Variants in CDH8 observed in about 807,000 individuals in gnomAD.
CDH8 encodes the protein cadherin-8.
Under a neutral mutation model 68.1 loss-of-function variants are expected in CDH8, and 17 were observed. The observed-to-expected ratio is 0.25, with a 90% CI of 0.17 to 0.37. CDH8 has a LOEUF of 0.37. CDH8 is among the 10% of genes least tolerant of loss of function. The probability of loss-of-function intolerance (pLI) is 1.00; values close to 1 mark genes in which losing one functional copy is unlikely to be tolerated. For synonymous variants in CDH8, 372 were observed against 365.1 expected (o/e 1.02, Z -0.21); for missense variants, 763 against 999.3 (o/e 0.76, Z 3.19).
At position 61,913,208 on chromosome 16, in the gene CDH8, G is replaced by A. The variant is rs532630663; in HGVS notation, c.253-11735C>T. Among the ~76,000 whole-genome samples, 36 of 152,104 alleles carry A rather than the reference G, an allele frequency of 2.4e-4. 1 individual carries two copies. The South Asian group carries it at 6.2e-3, about 26-fold the overall frequency. Reference sequence around the variant, plus strand: ...TCATATACACATTATACATACAGCCGGAAGGTATTTTATAAAATAGTTTTA... The same window carrying A: ...TCATATACACATTATACATACAGCCAGAAGGTATTTTATAAAATAGTTTTA... On this transcript the variant is annotated intron_variant, in intron 2 of 11. Coordinates refer to ENST00000577390, the MANE Select transcript of CDH8 (RefSeq NM_001796.5).
At chr16:61,987,719 T>C (rs1327064766) in intron 2 of CDH8, among the ~76,000 whole-genome samples, 3 of 151,884 alleles carry the variant, frequency 2.0e-5, no homozygotes, top group Non-Finnish European at 4.4e-5. Flanking sequence ...ATTACTCATA[T>C]TATAATCGTA....
At chr16:61,992,077 T>TGTGTGAGAGAGA (rs34925928) in intron 2 of CDH8, among the ~76,000 whole-genome samples, 9 of 144,126 alleles carry the variant, frequency 6.2e-5, no homozygotes, top group African/African-American at 1.8e-4. Context: ...TGTGTGTGTG[T>TGTGTGAGAGAGA]GAGAGAGAGA....
intron 7 of CDH8, among the ~76,000 whole-genome samples, chr16:61,801,500 T>G (rs941106140): frequency 2.0e-5 from 3 of 152,088 alleles, no homozygotes; most frequent in African/African-American, 7.2e-5. Context: ...GGTCTACAGC[T>G]CCCAGCGTGA....
chr16:61,809,903 G>A (rs537662323), intron 7 of CDH8, among the ~76,000 whole-genome samples: 3 of 152,270 alleles, frequency 2.0e-5, no homozygotes, highest in East Asian at 3.9e-4. Context: ...AAAGTGACCC[G>A]GTCACCCTAT....
intron 2 of CDH8, among the ~76,000 whole-genome samples, chr16:61,984,289 G>A (rs571406612): frequency 7.1e-4 from 108 of 152,074 alleles, no homozygotes; most frequent in African/African-American, 2.4e-3. Flanking sequence ...ATTCCCCAAC[G>A]CCCCACTTCT....
intron 10 of CDH8, among the ~76,000 whole-genome samples, chr16:61,707,906 A>G (rs1402864422): frequency 6.6e-6 from 1 of 152,182 alleles, no homozygotes; most frequent in Non-Finnish European, 1.5e-5. Flanking sequence ...TAAAAGATAA[A>G]TCAGTAAATA....
rs185615523 is a variant in CDH8, at chr16:61,869,875, T to C, written c.548-12637A>G. ...TCAGTTCTGTTTCTTCTCTTTTCAA[T>C]TCTTCCTAGTTGCCATATTCAAGAC... On this transcript the variant is annotated intron_variant, in intron 3 of 11. Coordinates refer to ENST00000577390, the MANE Select transcript of CDH8 (RefSeq NM_001796.5). 2.6e-5 allele frequency among the ~76,000 whole-genome samples: 4 copies of C among 152,354 alleles called. No homozygotes were observed. The East Asian group carries it at 7.7e-4, about 29-fold the overall frequency.
chr16:61,988,968 A>G (rs1965672491), intron 2 of CDH8, among the ~76,000 whole-genome samples: 1 of 152,162 alleles, frequency 6.6e-6, no homozygotes, highest in African/African-American at 2.4e-5. Flanking sequence ...GGCAAGAAAA[A>G]AATGAGAGGG....
chr16:61,752,756 T>C (rs918381861), intron 8 of CDH8, among the ~76,000 whole-genome samples: 2 of 152,222 alleles, frequency 1.3e-5, no homozygotes, highest in African/African-American at 4.8e-5. Flanking sequence ...ATTTATAAAG[T>C]GATACAGTGC....
At chr16:62,005,186 A>C (rs1965953857) in intron 2 of CDH8, among the ~76,000 whole-genome samples, 1 of 152,242 alleles carries the variant, frequency 6.6e-6, no homozygotes, top group South Asian at 2.1e-4. Context: ...TGCAAAGCCG[A>C]GTGACACTCA....
chr16:61,963,434 G>A (rs974793941), intron 2 of CDH8, among the ~76,000 whole-genome samples: 2 of 152,230 alleles, frequency 1.3e-5, no homozygotes, highest in East Asian at 3.9e-4. Flanking sequence ...CAGCAAACCT[G>A]TATCACATGC....
In CDH8 at chr16:61,654,207, G is replaced by A. The variant is rs1963391492; in HGVS notation, c.1907-106C>T. Reference sequence around the variant, plus strand: ...GGGGTATTTTTACAAAATTGTATGAGCATACACCTTTAATAATATTTACTA... The same window carrying A: ...GGGGTATTTTTACAAAATTGTATGAACATACACCTTTAATAATATTTACTA... On this transcript the variant is annotated intron_variant, in intron 11 of 11. Coordinates refer to ENST00000577390, the MANE Select transcript of CDH8 (RefSeq NM_001796.5). The A allele has an allele frequency of 4.5e-6, 4 of 879,840 alleles. No homozygotes were observed. In the Admixed American group the frequency reaches 1.0e-4, roughly 23 times the overall value. 54.5% of individuals were successfully genotyped at this position (879,840 alleles called of 1,614,324 possible). A position where few individuals can be genotyped will look rare whatever the true frequency, so the allele number is the denominator to read the frequency against.
chr16:61,715,162 T>C (rs1964701579), intron 9 of CDH8, among the ~76,000 whole-genome samples: 1 of 151,666 alleles, frequency 6.6e-6, no homozygotes, highest in East Asian at 1.9e-4. Flanking sequence ...AATCTTACTT[T>C]GTAAGTGTTT....
At chr16:61,969,123 A>G (rs1333026459) in intron 2 of CDH8, among the ~76,000 whole-genome samples, 2 of 152,208 alleles carry the variant, frequency 1.3e-5, no homozygotes, top group Non-Finnish European at 2.9e-5. Flanking sequence ...TGGTGTTGGT[A>G]TGTGTTAAAA....
chr16:61,962,644 C>T (rs1482398677), intron 2 of CDH8, among the ~76,000 whole-genome samples: 1 of 152,188 alleles, frequency 6.6e-6, no homozygotes, highest in Non-Finnish European at 1.5e-5. Flanking sequence ...CTGTTCAAAA[C>T]TGAACGTATG....
intron 4 of CDH8, among the ~76,000 whole-genome samples, chr16:61,841,541 G>A (rs1962683714): frequency 6.6e-6 from 1 of 152,074 alleles, no homozygotes; most frequent in African/African-American, 2.4e-5. Context: ...GGCTGGGGAG[G>A]GAGTGGGGAT....
chr16:62,033,184 T>G (rs987687167), intron 1 of CDH8, among the ~76,000 whole-genome samples: 24 of 152,190 alleles, frequency 1.6e-4, no homozygotes, highest in African/African-American at 5.1e-4. Flanking sequence ...CTGGGCTGTT[T>G]GTTTGTTTTG....
At chr16:61,855,824 T>C (rs186296154) in intron 4 of CDH8, among the ~76,000 whole-genome samples, 1 of 152,228 alleles carries the variant, frequency 6.6e-6, no homozygotes, top group Admixed American at 6.6e-5. Flanking sequence ...GGCCAAGTTA[T>C]AGGACATCTC....
intron 2 of CDH8, among the ~76,000 whole-genome samples, chr16:61,916,183 G>A (rs1964235428): frequency 6.6e-6 from 1 of 152,134 alleles, no homozygotes; most frequent in African/African-American, 2.4e-5. Context: ...AGATGCATAT[G>A]TGCATTCACG....
Sources: allele counts gnomAD v4.1 joint callset (sites outside exome capture counted in the v4.1 genomes callset), GRCh38; gene constraint gnomAD v4.1.1; transcripts MANE v1.5; gene names NCBI Gene and HGNC (gene_info 2026-07-23, HGNC 2026-07-21).